The following CASZ1 variants were observed in gnomAD, a reference collection of about 807,000 sequenced individuals.
CASZ1 encodes castor zinc finger 1, also known as zinc finger protein castor homolog 1.
CASZ1 carries 28 observed loss-of-function variants against 135.2 expected under a neutral mutation model. That is an observed-to-expected ratio of 0.21 (90% CI 0.15 to 0.28). The LOEUF is 0.28. Among genes scored for constraint, CASZ1 ranks in the 10% least tolerant of loss-of-function variants. CASZ1 has a pLI of 1.00. For synonymous variants in CASZ1, 1,068 were observed against 1,073.4 expected (o/e 0.99, Z 0.10); for missense variants, 2,161 against 2,453.3 (o/e 0.88, Z 2.52).
chr1:10,729,437 C>T (rs1357039193), intron 2 of CASZ1, among the ~76,000 whole-genome samples: 4 of 152,172 alleles, frequency 2.6e-5, no homozygotes, highest in Non-Finnish European at 4.4e-5. Flanking sequence ...TCTTTCCCAC[C>T]GCAGCTCCTC....
intron 1 of CASZ1, among the ~76,000 whole-genome samples, chr1:10,792,765 A>ATGTACTC (rs1640988338): frequency 6.8e-6 from 1 of 147,302 alleles, no homozygotes; most frequent in African/African-American, 2.5e-5. Context: ...GAAAAAGTTG[A>ATGTACTC]TGTACTCTCA....
chr1:10,656,748 A>C lies in CASZ1; in HGVS notation c.1410-12T>G. Reference sequence around the variant, plus strand: ...GGCTGCCCGAGAACCTGGAGGGAGGAGGGGTGGGGTCAGGGCCCTGCTGTG... The same window carrying C: ...GGCTGCCCGAGAACCTGGAGGGAGGCGGGGTGGGGTCAGGGCCCTGCTGTG... On this transcript the variant is annotated splice_polypyrimidine_tract_variant and intron_variant, in intron 7 of 20. Transcript: ENST00000377022. 1.9e-6 allele frequency: 3 copies of C among 1,564,072 alleles called. No homozygotes were observed. The highest frequency in any genetic ancestry group is 2.6e-6 in the Non-Finnish European group (3 of 1,149,622).
At chr1:10,713,604 G>C (rs1480841852) in intron 2 of CASZ1, among the ~76,000 whole-genome samples, 1 of 152,238 alleles carries the variant, frequency 6.6e-6, no homozygotes, top group Non-Finnish European at 1.5e-5. Context: ...GAGGCTCCCG[G>C]AAGGCAGGCC....
chr1:10,640,194 C>T, intron 20 of CASZ1, 135 bp from the exon 21 acceptor site: 1 of 1,314,472 alleles, frequency 7.6e-7, no homozygotes, highest in South Asian at 1.5e-5. Context: ...CTTCCCCTGG[C>T]TTGGGAGGCC....
At chr1:10,738,960 T>C (rs1639859770) in intron 2 of CASZ1, among the ~76,000 whole-genome samples, 1 of 134,018 alleles carries the variant, frequency 7.5e-6, no homozygotes, top group South Asian at 2.4e-4. Flanking sequence ...TTCGCTAAAG[T>C]CACATTCCGG....
At chr1:10,746,055 T>C (rs1640034366) in intron 2 of CASZ1, among the ~76,000 whole-genome samples, 1 of 152,124 alleles carries the variant, frequency 6.6e-6, no homozygotes, top group Admixed American at 6.5e-5. Flanking sequence ...CATTCACAGG[T>C]GAAGAAACTG....
rs12096029 is a variant in CASZ1 at position 10,725,902 on chromosome 1, C to A, written c.-76-20358G>T. ...TGCCGAATGTTCTAGAAGGATGGGC[C>A]GGACTTAGGAGGGGGCAGCATCCTC... is the stretch of plus-strand genomic sequence containing the variant. On this transcript the variant is annotated intron_variant, in intron 2 of 20. Transcript: ENST00000377022. This position sits in a 1 kb window ranked among gnomAD's most constrained non-coding sequence, Gnocchi z 4.4. Among the ~76,000 whole-genome samples, 18 of 151,914 alleles carry A rather than the reference C, an allele frequency of 1.2e-4. No homozygotes were observed. Among genetic ancestry groups the A allele is most frequent in the African/African-American group, 3.9e-4 (16 of 41,300 alleles).
chr1:10,696,286 T>C (rs1209025515), intron 3 of CASZ1, among the ~76,000 whole-genome samples: 3 of 152,148 alleles, frequency 2.0e-5, no homozygotes, highest in Non-Finnish European at 2.9e-5. Context: ...TCACACAGCC[T>C]CATTGGCTCT....
At chr1:10,685,265 G>C (rs1638548995) in intron 4 of CASZ1, among the ~76,000 whole-genome samples, 1 of 152,220 alleles carries the variant, frequency 6.6e-6, no homozygotes, top group African/African-American at 2.4e-5. Context: ...GGGGAGAACT[G>C]GGAGGGAAGT....
At position 10,735,908 on chromosome 1, in the gene CASZ1, G is replaced by A. The variant is rs1213156036; in HGVS notation, c.-77+24793C>T. Among the ~76,000 whole-genome samples, 1 of 152,176 alleles carries A rather than the reference G, an allele frequency of 6.6e-6. No individual in the cohort carries two copies. Among genetic ancestry groups the A allele is most frequent in the African/African-American group, 2.4e-5 (1 of 41,442 alleles). On this transcript the variant is annotated intron_variant, in intron 2 of 20. Transcript: ENST00000377022. The surrounding 1 kb of genome is among the most constrained non-coding windows in gnomAD (Gnocchi z 5.1). The stretch of plus-strand genomic sequence containing the variant: ...GGTTGAAAATGTGCTTTTTCAGCCA[G>A]CTCTGGTCAAGTAGCTGCCCTGCGG...
At chr1:10,789,349 G>T in intron 1 of CASZ1, among the ~76,000 whole-genome samples, 1 of 130,012 alleles carries the variant, frequency 7.7e-6, no homozygotes. Flanking sequence ...CACTTCCCCA[G>T]GGCCTCTGCC....
intron 2 of CASZ1, among the ~76,000 whole-genome samples, chr1:10,730,495 G>A (rs1193159818): frequency 6.6e-6 from 1 of 152,208 alleles, no homozygotes; most frequent in African/African-American, 2.4e-5. Flanking sequence ...ATGGACCCGT[G>A]TGACTGAGCT....
chr1:10,675,272 C>T (rs1489222697), intron 4 of CASZ1, among the ~76,000 whole-genome samples: 1 of 152,196 alleles, frequency 6.6e-6, no homozygotes, highest in Non-Finnish European at 1.5e-5. Flanking sequence ...TTTTTCAGTG[C>T]CCTGCGCTGG....
chr1:10,698,324 C>T (rs1449337272), intron 3 of CASZ1, among the ~76,000 whole-genome samples: 1 of 152,212 alleles, frequency 6.6e-6, no homozygotes, highest in Non-Finnish European at 1.5e-5. Flanking sequence ...ATCCGATTAT[C>T]CCTAATTCAA....
rs1242558246 is a variant in CASZ1 at position 10,739,253 on chromosome 1, G to T, written c.-77+21448C>A. Among the ~76,000 whole-genome samples the T allele has an allele frequency of 1.3e-5, 2 of 152,098 alleles. No individual in the cohort carries two copies. Among genetic ancestry groups the T allele is most frequent in the African/African-American group, 2.4e-5 (1 of 41,406 alleles). ...GCGGGACGGGTGCATTCACGAGGGG[G>T]GTGTGTGCGCCTGGGGGTCACCCCT... On this transcript the variant is annotated intron_variant, in intron 2 of 20. Transcript: ENST00000377022. This position sits in a 1 kb window ranked among gnomAD's most constrained non-coding sequence, Gnocchi z 4.8.
At position 10,657,333 on chromosome 1, in the gene CASZ1, G is replaced by A. The variant is rs924104049; in HGVS notation, c.1410-597C>T. ...CTCCAGGCCCCAGGGCCGCTGGGAC[G>A]TGGCTCCCACAGCCTCGGTGACGGC... On this transcript the variant is annotated intron_variant, in intron 7 of 20. Transcript: ENST00000377022. This position sits in a 1 kb window ranked among gnomAD's most constrained non-coding sequence, Gnocchi z 5.7. Among the ~76,000 whole-genome samples the A allele has an allele frequency of 5.9e-5, 9 of 152,318 alleles. No individual in the cohort carries two copies. The highest frequency in any genetic ancestry group is 3.4e-3 in the Middle Eastern group (1 of 294).
At position 10,643,350 on chromosome 1, in the gene CASZ1, G is replaced by A. The variant is rs753888325; in HGVS notation, c.3869-39C>T. The A allele has an allele frequency of 5.0e-6, 8 of 1,606,816 alleles. No homozygotes were observed. The South Asian group carries it at 8.9e-5, about 18-fold the overall frequency. On this transcript the variant is annotated intron_variant, in intron 18 of 20. Transcript: ENST00000377022. ...CCCACCTGGCATGAGCCCCCAGCTGGCCAGCGCTCATGGCTTCCAGGTCCT... is the reference window on the plus strand; with the variant it reads ...CCCACCTGGCATGAGCCCCCAGCTGACCAGCGCTCATGGCTTCCAGGTCCT...
rs574412268 is a variant in CASZ1 at position 10,755,407 on chromosome 1, G to A, written c.-77+5294C>T. ...CTCTCCAATGCCAGCCTCTCTCACTGTGGGCACTCAGGGACAGAGGCAGGG... is the reference window on the plus strand; with the variant it reads ...CTCTCCAATGCCAGCCTCTCTCACTATGGGCACTCAGGGACAGAGGCAGGG... On this transcript the variant is annotated intron_variant, in intron 2 of 20. Transcript: ENST00000377022. This position sits in a 1 kb window ranked among gnomAD's most constrained non-coding sequence, Gnocchi z 4.3. Among the ~76,000 whole-genome samples, 3 of 152,270 alleles carry A rather than the reference G, an allele frequency of 2.0e-5. No homozygotes were observed. In the Middle Eastern group the frequency reaches 0.01, roughly 518 times the overall value.
chr1:10,749,914 C>T (rs901830235), intron 2 of CASZ1, among the ~76,000 whole-genome samples: 4 of 152,222 alleles, frequency 2.6e-5, no homozygotes, highest in African/African-American at 9.6e-5. Context: ...AGCACAGGCT[C>T]ACACGGGTCT....
Sources: allele counts gnomAD v4.1 joint callset (sites outside exome capture counted in the v4.1 genomes callset), GRCh38; gene constraint gnomAD v4.1.1; non-coding constraint Gnocchi (gnomAD v3.1); transcripts MANE v1.5; gene names NCBI Gene and HGNC (gene_info 2026-07-23, HGNC 2026-07-21).